Variants in NKAIN2 observed in about 807,000 individuals in gnomAD.
NKAIN2 encodes the protein sodium/potassium-transporting ATPase subunit beta-1-interacting protein 2.
NKAIN2 carries 14 observed loss-of-function variants against 32.6 expected under a neutral mutation model. That is an observed-to-expected ratio of 0.43 (90% confidence interval 0.28 to 0.67). NKAIN2 has a LOEUF of 0.67. Among genes scored for constraint, NKAIN2 ranks in the 30% least tolerant of loss-of-function variants. NKAIN2 has a pLI of 0.17. For missense variants in NKAIN2, 198 were observed against 258.3 expected (o/e 0.77, Z 1.60); for synonymous variants, 80 against 87.2 (o/e 0.92, Z 0.46).
chr6:124,602,009 A>G (rs1276554934), intron 3 of NKAIN2, among the ~76,000 whole-genome samples: 1 of 152,040 alleles, frequency 6.6e-6, no homozygotes, highest in Non-Finnish European at 1.5e-5. Context: ...TTTAGATATT[A>G]TAATCATTGT....
chr6:124,506,449 T>C (rs1562226915), intron 3 of NKAIN2, among the ~76,000 whole-genome samples: 3 of 152,164 alleles, frequency 2.0e-5, no homozygotes, highest in South Asian at 4.1e-4. Flanking sequence ...TGAGAATGGA[T>C]TGGGCTCATC....
intron 3 of NKAIN2, among the ~76,000 whole-genome samples, chr6:124,368,545 C>A (rs1459067512): frequency 6.6e-6 from 1 of 151,942 alleles, no homozygotes; most frequent in African/African-American, 2.4e-5. Flanking sequence ...CAGAAGAGTC[C>A]CCCTGAGCAT....
At chr6:124,137,365 A>G (rs965992217) in intron 1 of NKAIN2, among the ~76,000 whole-genome samples, 1 of 152,150 alleles carries the variant, frequency 6.6e-6, no homozygotes, top group African/African-American at 2.4e-5. Context: ...ATAGATGTCC[A>G]CAACAAATGG....
chr6:124,680,557 G>A (rs1773569893), intron 4 of NKAIN2, among the ~76,000 whole-genome samples: 1 of 152,060 alleles, frequency 6.6e-6, no homozygotes, highest in Non-Finnish European at 1.5e-5. Context: ...TAGATTTTAT[G>A]TCTTAGTGGT....
chr6:124,554,797 G>C (rs949813895), intron 3 of NKAIN2, among the ~76,000 whole-genome samples: 22 of 152,276 alleles, frequency 1.4e-4, no homozygotes, highest in African/African-American at 5.3e-4. Flanking sequence ...AGATGTTTCT[G>C]AGCATCAGGG....
intron 3 of NKAIN2, among the ~76,000 whole-genome samples, chr6:124,583,470 A>T (rs1056648105): frequency 1.3e-5 from 2 of 152,168 alleles, no homozygotes; most frequent in Non-Finnish European, 2.9e-5. Context: ...ATAAATTGAA[A>T]AGAATACAAA....
chr6:124,082,050 AG>A (rs1783991072), intron 1 of NKAIN2, among the ~76,000 whole-genome samples: 2 of 152,050 alleles, frequency 1.3e-5, no homozygotes, highest in Non-Finnish European at 2.9e-5. Context: ...TGTGATGGGA[AG>A]GGTATTTTAG....
chr6:124,618,597 T>C (rs906520449), intron 3 of NKAIN2, among the ~76,000 whole-genome samples: 1 of 152,246 alleles, frequency 6.6e-6, no homozygotes, highest in African/African-American at 2.4e-5. Context: ...TGTAAGGTTG[T>C]TCTCCAAATG....
At chr6:124,274,959 C>G (rs1054026533) in intron 1 of NKAIN2, among the ~76,000 whole-genome samples, 3 of 152,042 alleles carry the variant, frequency 2.0e-5, no homozygotes, top group African/African-American at 4.8e-5. Context: ...CAGGAATTCA[C>G]ATGACTTGTT....
At chr6:124,108,505 T>A (rs1785221896) in intron 1 of NKAIN2, among the ~76,000 whole-genome samples, 1 of 152,078 alleles carries the variant, frequency 6.6e-6, no homozygotes, top group Non-Finnish European at 1.5e-5. Flanking sequence ...TTCACTTTGT[T>A]GATTATTTCC....
chr6:124,100,719 C>T (rs1424261200), intron 1 of NKAIN2, among the ~76,000 whole-genome samples: 7 of 152,278 alleles, frequency 4.6e-5, no homozygotes, highest in Non-Finnish European at 8.8e-5. Flanking sequence ...TGCTTTGTTA[C>T]GAGAAACTAT....
chr6:123,978,960 C>G (rs1205173008), intron 1 of NKAIN2, among the ~76,000 whole-genome samples: 1 of 152,096 alleles, frequency 6.6e-6, no homozygotes, highest in African/African-American at 2.4e-5. Context: ...TTTCGGAGAT[C>G]ATTGCATTTA....
chr6:124,704,305 T>TA (rs1218044731), intron 4 of NKAIN2, among the ~76,000 whole-genome samples: 4 of 151,952 alleles, frequency 2.6e-5, no homozygotes, highest in South Asian at 4.1e-4. Flanking sequence ...CAAAAGACTA[T>TA]AGAAAGAAGA....
intron 1 of NKAIN2, among the ~76,000 whole-genome samples, chr6:123,963,948 G>A (rs1326879309): frequency 6.6e-6 from 1 of 152,042 alleles, no homozygotes; most frequent in Non-Finnish European, 1.5e-5. Context: ...CCATTTTATA[G>A]GACTAGGAGT....
At chr6:124,419,065 ATGT>A (rs1001696181) in intron 3 of NKAIN2, among the ~76,000 whole-genome samples, 1 of 151,926 alleles carries the variant, frequency 6.6e-6, no homozygotes, top group African/African-American at 2.4e-5. Flanking sequence ...GCCTGTTTTA[ATGT>A]TGTTGTTTTT....
intron 3 of NKAIN2, among the ~76,000 whole-genome samples, chr6:124,596,073 C>A (rs905235576): frequency 3.3e-5 from 5 of 152,126 alleles, no homozygotes; most frequent in African/African-American, 1.2e-4. Context: ...TAAATTGGAA[C>A]CCCAACAGAA....
chr6:124,701,687 C>T (rs1774801136), intron 4 of NKAIN2, among the ~76,000 whole-genome samples: 1 of 151,890 alleles, frequency 6.6e-6, no homozygotes, highest in African/African-American at 2.4e-5. Flanking sequence ...AGCGTACATA[C>T]ATTTACATGT....
intron 1 of NKAIN2, among the ~76,000 whole-genome samples, chr6:124,177,055 T>C (rs536568112): frequency 6.6e-6 from 1 of 152,296 alleles, no homozygotes; most frequent in East Asian, 1.9e-4. Context: ...TTAAAAGTCC[T>C]ATGTGGGTAT....
chr6:124,407,282 T>C (rs1364506533), intron 3 of NKAIN2, among the ~76,000 whole-genome samples: 1 of 152,096 alleles, frequency 6.6e-6, no homozygotes, highest in Non-Finnish European at 1.5e-5. Context: ...GCCATGTTGG[T>C]GTGCTGCACC....
Sources: allele counts gnomAD v4.1 joint callset (sites outside exome capture counted in the v4.1 genomes callset), GRCh38; gene constraint gnomAD v4.1.1; transcripts MANE v1.5; gene names NCBI Gene and HGNC (gene_info 2026-07-23, HGNC 2026-07-21).